SNX5: variants seen among roughly 807,000 people sequenced by gnomAD.
SNX5 encodes sorting nexin-5.
In SNX5, 31 loss-of-function variants were observed where a neutral mutation model predicts 53.9. That is an observed-to-expected ratio of 0.58 (90% CI 0.43 to 0.78). The LOEUF (loss-of-function observed/expected upper bound fraction) is 0.78. SNX5 is among the 30% of genes least tolerant of loss of function. The pLI, the probability that SNX5 is intolerant of heterozygous loss-of-function variation, is 0.00. For missense variants in SNX5, 471 were observed against 478.8 expected (o/e 0.98, Z 0.15); for synonymous variants, 168 against 171.1 (o/e 0.98, Z 0.14).
chr20:17,962,818 A>T (rs773009072), intron 1 of SNX5: 21 of 519,212 alleles, frequency 4.0e-5, no homozygotes, highest in Admixed American at 9.7e-5. Flanking sequence ...AGCAGTTCAC[A>T]GTAGAACACT....
chr20:17,959,427 A>T lies in SNX5; in HGVS notation c.52-2390T>A, dbSNP rs192297411. 2.4e-3 allele frequency among the ~76,000 whole-genome samples: 360 copies of T among 152,358 alleles called. 4 individuals are homozygous for T. Among genetic ancestry groups the T allele is most frequent in the Non-Finnish European group, 3.3e-3 (225 of 68,044 alleles). ...ACAAAAAGAAGAAAACCACTAGGTT[A>T]TGAGTGACTGCAACCACAGCATATC... On this transcript the variant is annotated intron_variant, in intron 1 of 12. Transcript: ENST00000377759.
rs746546895 is a variant in SNX5 at position 17,942,387 on chromosome 20, C to A, written c.1185G>T (p.Gln395His). 6.2e-7 allele frequency: 1 copy of A among 1,611,860 alleles called. No homozygotes were observed. The highest frequency in any genetic ancestry group is 8.5e-7 in the Non-Finnish European group (1 of 1,177,988). Residue 395 changes from glutamine (Q) to histidine (H), a missense_variant, in exon 13 of 13, where the codon CAG becomes CAT. Coordinates refer to ENST00000377759, the MANE Select transcript of SNX5 (RefSeq NM_014426.4). ...TATTCTTGAACAAGTCAATACAGCT[C>A]TGCAAAAGGGAGACATTGTTCTGTG... The part of the protein sequence containing the change: ...KHARNNVSLL[Q>H]SCIDLFKNN
chr20:17,950,512 A>G (rs183773876), intron 6 of SNX5, 116 bp from the exon 7 acceptor site: 1 of 635,808 alleles, frequency 1.6e-6, no homozygotes, highest in East Asian at 2.8e-5. Context: ...ACGTGAGTAA[A>G]GTTTAACCTC....
chr20:17,960,065 CG>C (rs562297948), intron 1 of SNX5, among the ~76,000 whole-genome samples: 7 of 152,252 alleles, frequency 4.6e-5, no homozygotes, highest in Admixed American at 3.9e-4. Flanking sequence ...TTGGGCATGC[CG>C]GACCTTTACC....
At chr20:17,962,458 C>T (rs996996813) in intron 1 of SNX5, among the ~76,000 whole-genome samples, 1 of 152,104 alleles carries the variant, frequency 6.6e-6, no homozygotes, top group African/African-American at 2.4e-5. Context: ...CCGCCTCAGC[C>T]TCCCAAAGTC....
intron 5 of SNX5, among the ~76,000 whole-genome samples, chr20:17,952,290 T>C (rs1188179040): frequency 6.6e-6 from 1 of 152,202 alleles, no homozygotes; most frequent in Non-Finnish European, 1.5e-5. Flanking sequence ...ATTACACAAA[T>C]TTTAATTTCC....
In SNX5 at chr20:17,954,035, G is replaced by A; in HGVS notation, c.350C>T (p.Thr117Ile). 1.2e-6 allele frequency: 2 copies of A among 1,613,942 alleles called. No individual in the cohort carries two copies. Among genetic ancestry groups the A allele is most frequent in the Non-Finnish European group, 1.7e-6 (2 of 1,179,912 alleles). ...TTTCATCTTGGCAAATTCTTCTTTG[G>A]TCATAGACCCTTCACCTTCTCCCAG... is the stretch of plus-strand genomic sequence containing the variant. Reference protein sequence around the residue: ...QKLGEGEGSMTKEEFAKMKQE... With the variant: ...QKLGEGEGSMIKEEFAKMKQE... Residue 117 changes from threonine (T) to isoleucine (I), a missense_variant, in exon 4 of 13, where the codon ACC becomes ATC. By Grantham distance (89) the Thr-to-Ile change is moderately conservative (BLOSUM62 -1). Transcript: ENST00000377759.
Position 17,950,286 on chromosome 20 carries a change from T to C in SNX5, c.715+5A>G, listed in dbSNP as rs2039547541. 2 of 1,611,392 alleles carry C rather than the reference T, an allele frequency of 1.2e-6. No homozygotes were observed. Among genetic ancestry groups the C allele is most frequent in the East Asian group, 4.5e-5 (2 of 44,856 alleles). On this transcript the variant is annotated splice_donor_5th_base_variant and intron_variant, in intron 7 of 12. Transcript: ENST00000377759. ...AAGCTCTGACTAGCGGTAAATGATA[T>C]TTACTTTTATGAGATCTGGTCATTT...
intron 12 of SNX5, chr20:17,942,707 C>A: frequency 2.3e-6 from 1 of 442,672 alleles, no homozygotes; most frequent in Non-Finnish European, 4.1e-6. Context: ...CTTCTTAAGA[C>A]ACTATCAGTG....
chr20:17,958,830 CTCAAATCATTAACTGAGATGTGAT>C (rs2035405609), intron 1 of SNX5, among the ~76,000 whole-genome samples: 1 of 152,116 alleles, frequency 6.6e-6, no homozygotes, highest in Non-Finnish European at 1.5e-5. Flanking sequence ...TTAAAAATAC[CTCAAATCATTAACTGAGATGTGAT>C]TGCAGAGGCT....
At chr20:17,966,540 G>A (rs2122436264) in intron 1 of SNX5, among the ~76,000 whole-genome samples, 1 of 152,338 alleles carries the variant, frequency 6.6e-6, no homozygotes, top group Middle Eastern at 3.4e-3. Flanking sequence ...CTGGCTACCA[G>A]ACACGACTGA....
intron 4 of SNX5, among the ~76,000 whole-genome samples, 155 bp from the exon 5 acceptor site, chr20:17,952,865 T>C: frequency 6.6e-6 from 1 of 152,240 alleles, no homozygotes; most frequent in South Asian, 2.1e-4. Context: ...TCTAGTTAGA[T>C]ACTAAGGCAG....
chr20:17,959,924 T>C (rs532050699), intron 1 of SNX5, among the ~76,000 whole-genome samples: 95 of 152,168 alleles, frequency 6.2e-4, no homozygotes, highest in African/African-American at 2.3e-3. Context: ...CCCTTAAGCT[T>C]GAAGGGCTCA....
Position 17,941,709 on chromosome 20 carries a change from T to G in SNX5, c.*648A>C, listed in dbSNP as rs997668549. 4 of 152,340 alleles carry G rather than the reference T, an allele frequency of 2.6e-5. No individual in the cohort carries two copies. Among genetic ancestry groups the G allele is most frequent in the African/African-American group, 4.8e-5 (2 of 41,450 alleles). The allele number at this position is 152,340 out of a possible 1,614,324, so 9.4% of individuals were successfully genotyped here. A position where few individuals can be genotyped will look rare whatever the true frequency, so the allele number is the denominator to read the frequency against. ...GCCATTAGGGAGGGGGCTTATACTT[T>G]TCCTAATGTAGATCTGGCCATCTTA... On this transcript the variant is annotated 3_prime_UTR_variant, in exon 13 of 13. Transcript: ENST00000377759.
chr20:17,968,590 A>G lies in SNX5; in HGVS notation c.-165T>C, dbSNP rs1350850212. 1 of 662,414 alleles carries G rather than the reference A, an allele frequency of 1.5e-6. No homozygotes were observed. Among genetic ancestry groups the G allele is most frequent in the Non-Finnish European group, 2.6e-6 (1 of 385,802 alleles). The allele number at this position is 662,414 out of a possible 1,614,324, so 41.0% of individuals were successfully genotyped here. ...GGCCTCCGGACTCCGCCACCATCCC[A>G]GCTGCCCCGGGAGCAGGCGAGCAGG... On this transcript the variant is annotated 5_prime_UTR_variant, in exon 1 of 13. Coordinates refer to ENST00000377759, the MANE Select transcript of SNX5 (RefSeq NM_014426.4).
chr20:17,943,041 T>C, intron 12 of SNX5, 69 bp downstream of exon 12: 1 of 1,089,662 alleles, frequency 9.2e-7, no homozygotes, highest in Non-Finnish European at 1.4e-6. Context: ...TGACAATGGG[T>C]TAGTAAACTG....
chr20:17,949,081 G>T lies in SNX5; in HGVS notation c.814C>A (p.Leu272Ile). The change falls in exon 9 of 13, where the codon CTA becomes ATA. Residue 272 changes from leucine to isoleucine, a missense_variant. Leu to Ile is a conservative substitution (Grantham distance 5). Coordinates refer to ENST00000377759, the MANE Select transcript of SNX5 (RefSeq NM_014426.4). ...ATCCTTACCCTTAGTTTTTCAAATA[G>T]CTCAGCAACCTTCAATAGGTACCTG... ...IKKYLLKVAE[L>I]FEKLRKVEGR... The T allele has an allele frequency of 2.5e-6, 4 of 1,613,212 alleles. No homozygotes were observed. Among genetic ancestry groups the T allele is most frequent in the Non-Finnish European group, 3.4e-6 (4 of 1,179,670 alleles).
chr20:17,942,744 G>C, intron 12 of SNX5: 1 of 371,052 alleles, frequency 2.7e-6, no homozygotes, highest in Non-Finnish European at 4.9e-6. Context: ...CAAGGGCCTT[G>C]GAAAGATTGA....
chr20:17,968,091 C>G (rs2035588204), intron 1 of SNX5: 1 of 398,710 alleles, frequency 2.5e-6, no homozygotes, highest in African/African-American at 2.1e-5. Context: ...TCCGGGGTCT[C>G]CAGAGATCAT....
Sources: gnomAD v4.1 joint callset for allele counts (sites outside exome capture counted in the v4.1 genomes callset) on GRCh38, gnomAD v4.1.1 for gene constraint, MANE v1.5 for transcripts, NCBI Gene and HGNC (gene_info 2026-07-23, HGNC 2026-07-21) for gene names.